SYT1: variants seen among roughly 807,000 people sequenced by gnomAD.
The protein encoded by SYT1 is synaptotagmin 1, also known as synaptotagmin-1.
Under a neutral mutation model 44.8 loss-of-function variants are expected in SYT1, and 8 were observed. The observed-to-expected ratio is 0.18, with a 90% CI of 0.10 to 0.32. The LOEUF (loss-of-function observed/expected upper bound fraction) is 0.32. Among genes scored for constraint, SYT1 ranks in the 10% least tolerant of loss-of-function variants. The pLI is 1.00. For missense variants in SYT1, 286 were observed against 509.3 expected, an observed-to-expected ratio of 0.56 and a Z score of 4.22; for synonymous variants, 154 against 188.8, an observed-to-expected ratio of 0.82 and a Z score of 1.51.
chr12:79,127,751 C>G (rs1283908038), intron 3 of SYT1, among the ~76,000 whole-genome samples: 6 of 152,190 alleles, frequency 3.9e-5, no homozygotes, highest in Admixed American at 6.5e-5. Context: ...AGACGAAAAG[C>G]TCATAGGAGT....
intron 2 of SYT1, among the ~76,000 whole-genome samples, chr12:79,015,315 T>C (rs1188707970): frequency 1.3e-5 from 2 of 152,212 alleles, no homozygotes; most frequent in Non-Finnish European, 2.9e-5. Flanking sequence ...TATAAGCTTA[T>C]GCTGCATAGA....
At chr12:79,342,193 A>G (rs1461981354) in intron 8 of SYT1, among the ~76,000 whole-genome samples, 1 of 152,096 alleles carries the variant, frequency 6.6e-6, no homozygotes, top group Non-Finnish European at 1.5e-5. Flanking sequence ...AACTCAAGAG[A>G]GATAGGAGAC....
chr12:79,300,789 T>TTATATATATA lies in SYT1; in HGVS notation c.810+1264_810+1273dup, dbSNP rs56934430. Among the ~76,000 whole-genome samples the TTATATATATA allele has an allele frequency of 1.8e-3, 159 of 89,576 alleles. 1 individual carries two copies. The highest frequency in any genetic ancestry group is 3.0e-3 in the Admixed American group (25 of 8,458). The allele number at this position is 89,576 out of a possible 152,430, so 58.8% of individuals were successfully genotyped here. On this transcript the variant is annotated intron_variant, in intron 8 of 10. Coordinates refer to ENST00000261205, the MANE Select transcript of SYT1 (RefSeq NM_005639.3). The stretch of plus-strand genomic sequence containing the variant: ...TGTATATAATATTCATGTATACTTA[T>TTATATATATA]TATATATATATATATATATATATAT...
intron 1 of SYT1, among the ~76,000 whole-genome samples, chr12:78,895,287 T>C (rs1350866052): frequency 6.6e-6 from 1 of 151,782 alleles, no homozygotes; most frequent in Non-Finnish European, 1.5e-5. Context: ...TTTAGGATTA[T>C]AGGATTAAGT....
chr12:78,889,679 G>T (rs912743088), intron 1 of SYT1, among the ~76,000 whole-genome samples: 1 of 148,352 alleles, frequency 6.7e-6, no homozygotes, highest in Non-Finnish European at 1.5e-5. Flanking sequence ...AAGAAAGAAA[G>T]GTTATTGAAC....
At chr12:79,356,020 G>A (rs1883097583) in intron 9 of SYT1, among the ~76,000 whole-genome samples, 1 of 151,922 alleles carries the variant, frequency 6.6e-6, no homozygotes, top group South Asian at 2.1e-4. Flanking sequence ...AGGAATATTG[G>A]GGATTCATCT....
At chr12:79,180,682 A>C (rs1872481576) in intron 3 of SYT1, among the ~76,000 whole-genome samples, 1 of 151,938 alleles carries the variant, frequency 6.6e-6, no homozygotes, top group African/African-American at 2.4e-5. Context: ...CTTTTAAATG[A>C]GCAGATCTCA....
intron 3 of SYT1, among the ~76,000 whole-genome samples, chr12:79,092,525 GA>G (rs1384839340): frequency 2.0e-5 from 3 of 151,430 alleles, no homozygotes; most frequent in African/African-American, 7.3e-5. Flanking sequence ...AATTAATGTG[GA>G]AAATGAAACA....
intron 8 of SYT1, among the ~76,000 whole-genome samples, chr12:79,312,597 C>G (rs1057139252): frequency 6.6e-6 from 1 of 152,140 alleles, no homozygotes; most frequent in Non-Finnish European, 1.5e-5. Flanking sequence ...GAATACATGA[C>G]AAGCCTAATC....
intron 1 of SYT1, among the ~76,000 whole-genome samples, chr12:78,885,655 G>A (rs1054802089): frequency 1.3e-5 from 2 of 151,996 alleles, no homozygotes; most frequent in Non-Finnish European, 1.5e-5. Context: ...TGGGCCAGGT[G>A]CTGCAGGCTG....
chr12:79,417,379 T>A (rs1278560993), intron 9 of SYT1, among the ~76,000 whole-genome samples: 2 of 152,028 alleles, frequency 1.3e-5, no homozygotes, highest in Non-Finnish European at 2.9e-5. Flanking sequence ...TCCTCCTAAA[T>A]CTCTCTCTTA....
chr12:79,318,207 A>G (rs1435361898), intron 8 of SYT1, among the ~76,000 whole-genome samples: 1 of 152,188 alleles, frequency 6.6e-6, no homozygotes, highest in African/African-American at 2.4e-5. Context: ...AGGAAAGTCT[A>G]ATTACTTCTA....
At chr12:78,880,923 C>G (rs927412672) in intron 1 of SYT1, among the ~76,000 whole-genome samples, 2 of 151,580 alleles carry the variant, frequency 1.3e-5, no homozygotes, top group Non-Finnish European at 3.0e-5. Flanking sequence ...TTCCTCCTAA[C>G]TATTGCTAAT....
chr12:79,070,182 C>T (rs1469538415), intron 3 of SYT1, among the ~76,000 whole-genome samples: 3 of 152,104 alleles, frequency 2.0e-5, no homozygotes, highest in African/African-American at 7.2e-5. Flanking sequence ...GGCATACAAA[C>T]TGATCAAGAT....
intron 3 of SYT1, among the ~76,000 whole-genome samples, chr12:79,195,606 A>G (rs2138470605): frequency 1.3e-5 from 2 of 152,176 alleles, no homozygotes; most frequent in East Asian, 1.9e-4. Context: ...TTGGCACCCA[A>G]GAAAATAACC....
chr12:79,148,539 A>C (rs1870068243), intron 3 of SYT1, among the ~76,000 whole-genome samples: 1 of 152,128 alleles, frequency 6.6e-6, no homozygotes, highest in South Asian at 2.1e-4. Context: ...GAGATGGCAC[A>C]ATTTCACAAA....
intron 1 of SYT1, among the ~76,000 whole-genome samples, chr12:78,935,274 G>T (rs1174950336): frequency 6.6e-6 from 1 of 152,152 alleles, no homozygotes; most frequent in Non-Finnish European, 1.5e-5. Context: ...ACTCTGCTGT[G>T]AAGGTTCTGA....
chr12:79,365,522 A>T (rs1883504444), intron 9 of SYT1, among the ~76,000 whole-genome samples: 2 of 152,152 alleles, frequency 1.3e-5, no homozygotes, highest in Non-Finnish European at 2.9e-5. Context: ...GATGAGTAAC[A>T]CACGAAAAGA....
At chr12:79,198,699 G>C (rs1873604077) in intron 3 of SYT1, among the ~76,000 whole-genome samples, 1 of 152,184 alleles carries the variant, frequency 6.6e-6, no homozygotes, top group East Asian at 1.9e-4. Context: ...GGATGGAAGT[G>C]TCAGGGGAGT....
Sources: gnomAD v4.1 joint callset for allele counts (sites outside exome capture counted in the v4.1 genomes callset) on GRCh38, gnomAD v4.1.1 for gene constraint, MANE v1.5 for transcripts, NCBI Gene and HGNC (gene_info 2026-07-23, HGNC 2026-07-21) for gene names.